MARCHF8: variants seen among roughly 807,000 people sequenced by gnomAD.
MARCHF8 encodes the protein E3 ubiquitin-protein ligase MARCHF8.
MARCHF8 carries 40 observed loss-of-function variants against 51.6 expected under a neutral mutation model. That is an observed-to-expected ratio of 0.77 (90% confidence interval 0.60 to 1.01). MARCHF8 has a LOEUF of 1.01. MARCHF8 is among the 50% of genes least tolerant of loss of function. MARCHF8 has a pLI of 0.00. For missense variants in MARCHF8, 685 were observed against 708.6 expected (o/e 0.97, Z 0.38); for synonymous variants, 263 against 280.3 (o/e 0.94, Z 0.62).
At chr10:45,461,162 A>G in intron 6 of MARCHF8, 69 bp downstream of exon 6, 2 of 1,265,472 alleles carry the variant, frequency 1.6e-6, no homozygotes, top group Admixed American at 2.9e-5. Flanking sequence ...TGACCTCATG[A>G]TCTGAGACAC....
intron 2 of MARCHF8, among the ~76,000 whole-genome samples, chr10:45,499,829 T>G (rs1180445437): frequency 6.6e-6 from 1 of 152,218 alleles, no homozygotes; most frequent in Non-Finnish European, 1.5e-5. Flanking sequence ...CTAACTTGTT[T>G]ACTGTAGCTT....
intron 3 of MARCHF8, among the ~76,000 whole-genome samples, chr10:45,485,241 A>T (rs1471532012): frequency 6.6e-6 from 1 of 152,222 alleles, no homozygotes; most frequent in African/African-American, 2.4e-5. Context: ...GTGAAGGTGC[A>T]ATGGAAAAAA....
intron 6 of MARCHF8, among the ~76,000 whole-genome samples, chr10:45,460,788 C>T (rs1842760328): frequency 6.6e-6 from 1 of 152,212 alleles, no homozygotes; most frequent in Non-Finnish European, 1.5e-5. Flanking sequence ...CTCACACTCC[C>T]ATCCAGCAAA....
At chr10:45,563,273 TGCCTCG>T in intron 1 of MARCHF8, among the ~76,000 whole-genome samples, 1 of 152,230 alleles carries the variant, frequency 6.6e-6, no homozygotes, top group South Asian at 2.1e-4. Flanking sequence ...GCAATCCTCC[TGCCTCG>T]GCCTCCCAAA....
intron 1 of MARCHF8, among the ~76,000 whole-genome samples, chr10:45,557,191 A>G (rs1483578980): frequency 7.0e-6 from 1 of 142,210 alleles, no homozygotes; most frequent in Non-Finnish European, 1.5e-5. Context: ...GCAATGGAAC[A>G]ATCTCGGCTC....
chr10:45,558,365 G>C (rs2044274686), intron 1 of MARCHF8, among the ~76,000 whole-genome samples: 2 of 152,170 alleles, frequency 1.3e-5, no homozygotes, highest in Non-Finnish European at 2.9e-5. Context: ...TGGCTTGGAG[G>C]ACAACATGGT....
intron 1 of MARCHF8, among the ~76,000 whole-genome samples, chr10:45,559,148 G>A (rs149699413): frequency 9.4e-4 from 143 of 152,328 alleles, no homozygotes; most frequent in African/African-American, 2.6e-3. Context: ...TAAACATACC[G>A]TAAATCTAAC....
At chr10:45,580,003 CAAAAAAAAAAA>C (rs34446338) in intron 1 of MARCHF8, among the ~76,000 whole-genome samples, 15 of 36,466 alleles carry the variant, frequency 4.1e-4, no homozygotes, top group Middle Eastern at 0.024. Context: ...ACTCCGTCTC[CAAAAAAAAAAA>C]AAAAAAAAAA....
chr10:45,495,653 A>C (rs2043160855), intron 2 of MARCHF8, among the ~76,000 whole-genome samples: 1 of 150,764 alleles, frequency 6.6e-6, no homozygotes, highest in Non-Finnish European at 1.5e-5. Flanking sequence ...TCCCCTGTCT[A>C]GGAGGAGTTT....
chr10:45,549,751 G>A (rs1265027863), intron 1 of MARCHF8, among the ~76,000 whole-genome samples: 1 of 152,178 alleles, frequency 6.6e-6, no homozygotes, highest in Non-Finnish European at 1.5e-5. Context: ...TAGTTATCAT[G>A]GGAGTGGGTT....
intron 1 of MARCHF8, among the ~76,000 whole-genome samples, chr10:45,574,563 T>G (rs1163895841): frequency 6.6e-6 from 1 of 152,194 alleles, no homozygotes; most frequent in Non-Finnish European, 1.5e-5. Context: ...TGGGCTGTAC[T>G]GCCACAAGGC....
At chr10:45,590,828 G>A (rs775096426) in intron 1 of MARCHF8, among the ~76,000 whole-genome samples, 2 of 152,320 alleles carry the variant, frequency 1.3e-5, no homozygotes, top group East Asian at 3.9e-4. Context: ...GTCTAAGACT[G>A]TCAGGCCTGA....
chr10:45,533,351 T>A (rs540869381), intron 1 of MARCHF8, 62 bp from the exon 2 acceptor site: 10 of 1,073,020 alleles, frequency 9.3e-6, no homozygotes, highest in African/African-American at 1.6e-5. Flanking sequence ...TTTCCAAGAG[T>A]GAGCTTAACA....
chr10:45,485,906 GAT>G (rs2042970588), intron 3 of MARCHF8, among the ~76,000 whole-genome samples: 1 of 152,126 alleles, frequency 6.6e-6, no homozygotes, highest in South Asian at 2.1e-4. Flanking sequence ...CTATACTGAA[GAT>G]ACGATTTTAC....
intron 3 of MARCHF8, among the ~76,000 whole-genome samples, chr10:45,472,669 T>C (rs1168329242): frequency 6.6e-6 from 1 of 152,226 alleles, no homozygotes; most frequent in Non-Finnish European, 1.5e-5. Context: ...CTTGGTATTA[T>C]TGGGAAATTG....
intron 2 of MARCHF8, among the ~76,000 whole-genome samples, chr10:45,514,015 G>A (rs1292699016): frequency 6.6e-6 from 1 of 152,096 alleles, no homozygotes; most frequent in Non-Finnish European, 1.5e-5. Context: ...CATAATTTAA[G>A]TGGGCAATAT....
chr10:45,474,134 C>T (rs2042744193), intron 3 of MARCHF8, among the ~76,000 whole-genome samples: 1 of 152,214 alleles, frequency 6.6e-6, no homozygotes, highest in Admixed American at 6.5e-5. Flanking sequence ...ATTTCTGGCA[C>T]ACAGTTAGGT....
intron 2 of MARCHF8, among the ~76,000 whole-genome samples, chr10:45,516,361 G>A (rs1469485177): frequency 6.6e-6 from 1 of 152,128 alleles, no homozygotes; most frequent in Non-Finnish European, 1.5e-5. Flanking sequence ...ATATTGCCCA[G>A]GCTGGTCTCA....
chr10:45,511,230 A>G (rs1266841509), intron 2 of MARCHF8, among the ~76,000 whole-genome samples: 1 of 152,226 alleles, frequency 6.6e-6, no homozygotes, highest in East Asian at 1.9e-4. Flanking sequence ...AAAAATCTTA[A>G]TTATACATTA....
Sources: allele counts gnomAD v4.1 joint callset (sites outside exome capture counted in the v4.1 genomes callset), GRCh38; gene constraint gnomAD v4.1.1; transcripts MANE v1.5; gene names NCBI Gene and HGNC (gene_info 2026-07-23, HGNC 2026-07-21).